Variants in TMPRSS4 observed in about 807,000 individuals in gnomAD.
TMPRSS4 encodes transmembrane protease serine 4.
TMPRSS4 carries 45 observed loss-of-function variants against 56.4 expected under a neutral mutation model. That is an observed-to-expected ratio of 0.80 (90% CI 0.63 to 1.02). The LOEUF (loss-of-function observed/expected upper bound fraction) is 1.02. TMPRSS4 is among the 50% of genes least tolerant of loss of function. TMPRSS4 has a pLI of 0.00. For missense variants in TMPRSS4, 546 were observed against 556.7 expected, an observed-to-expected ratio of 0.98 and a Z score of 0.19; for synonymous variants, 205 against 211.0, an observed-to-expected ratio of 0.97 and a Z score of 0.25.
chr11:118,114,779 A>T, intron 9 of TMPRSS4, 50 bp from the exon 10 acceptor site: 1 of 1,504,834 alleles, frequency 6.6e-7, no homozygotes, highest in Non-Finnish European at 9.1e-7. Context: ...ACAGAAAATT[A>T]ACACTTATGA....
In TMPRSS4 at chr11:118,077,916, G is replaced by A. The variant is rs7945787; in HGVS notation, c.3+611G>A. 9.2e-3 allele frequency among the ~76,000 whole-genome samples: 1,399 copies of A among 151,318 alleles called. 17 individuals are homozygous for A. The highest frequency in any genetic ancestry group is 0.031 in the African/African-American group (1,290 of 41,188). On this transcript the variant is annotated intron_variant, in intron 1 of 12. Coordinates refer to ENST00000437212, the MANE Select transcript of TMPRSS4 (RefSeq NM_019894.4). The stretch of plus-strand genomic sequence containing the variant: ...TAATCCCAGCTACTTGGGAGGCTGA[G>A]GCAGGAGAATCGCTTGAACTTGGGA...
Position 118,098,951 on chromosome 11 carries a change from A to C in TMPRSS4, c.44-34A>C, listed in dbSNP as rs1285809616. ...TCAGGGATCACCAAGTGCTGACTGC[A>C]TGCTCTTCCCCTCTGCCTCCCATTT... On this transcript the variant is annotated intron_variant, in intron 2 of 12. Transcript: ENST00000437212. 2.6e-6 allele frequency: 4 copies of C among 1,558,218 alleles called. No individual in the cohort carries two copies. In the Admixed American group the frequency reaches 6.7e-5, roughly 26 times the overall value.
Position 118,118,244 on chromosome 11 carries a change from T to TA in TMPRSS4, c.*335dup. On this transcript the variant is annotated 3_prime_UTR_variant, in exon 13 of 13. Coordinates refer to ENST00000437212, the MANE Select transcript of TMPRSS4 (RefSeq NM_019894.4). ...TACTGAATGGAAGCAGGCTGTCTTG[T>TA]AAAAGCCCAGATCACTGTGGGCTGG... 1 of 1,247,742 alleles carries TA rather than the reference T, an allele frequency of 8.0e-7. No individual in the cohort carries two copies. The highest frequency in any genetic ancestry group is 1.0e-6 in the Non-Finnish European group (1 of 992,236). The allele number at this position is 1,247,742 out of a possible 1,614,324, so 77.3% of individuals were successfully genotyped here.
rs1185679835 is a variant in TMPRSS4, at chr11:118,104,800, T to C, written c.420T>C (p.Cys140=). 6.2e-7 allele frequency: 1 copy of C among 1,610,988 alleles called. No individual in the cohort carries two copies. The highest frequency in any genetic ancestry group is 8.5e-7 in the Non-Finnish European group (1 of 1,178,612). ...CAGAAGCTCTCGCTGAGACAGCCTGTAGGCAGATGGGCTACAGCAGGTAAC... is the reference window on the plus strand; with the variant it reads ...CAGAAGCTCTCGCTGAGACAGCCTGCAGGCAGATGGGCTACAGCAGGTAAC... ...NFTEALAETA[C]RQMGYSSKPT... is the part of the protein sequence containing the mutation. The change falls in exon 5 of 13, where the codon TGT becomes TGC. Residue 140 remains cysteine, a synonymous_variant. Transcript: ENST00000437212.
At position 118,116,812 on chromosome 11, in the gene TMPRSS4, G is replaced by A. The variant is rs577043878; in HGVS notation, c.1153-493G>A. Among the ~76,000 whole-genome samples, 272 of 150,492 alleles carry A rather than the reference G, an allele frequency of 1.8e-3. 2 individuals are homozygous for A. The highest frequency in any genetic ancestry group is 5.9e-3 in the African/African-American group (243 of 40,992). ...CACTGCAGCCTCCGCCTCTGGGTTC[G>A]AATGATTCTCCACCTCAGCCTCCTG... is the stretch of plus-strand genomic sequence containing the variant. On this transcript the variant is annotated intron_variant, in intron 11 of 12. Coordinates refer to ENST00000437212, the MANE Select transcript of TMPRSS4 (RefSeq NM_019894.4).
downstream of TMPRSS4, among the ~76,000 whole-genome samples, chr11:118,124,166 C>T (rs910563787): frequency 6.6e-6 from 1 of 152,076 alleles, no homozygotes; most frequent in Non-Finnish European, 1.5e-5. Flanking sequence ...TGGGGCAGAT[C>T]ACCAGGTCAA....
At chr11:118,084,028 A>G (rs957627513) in intron 1 of TMPRSS4, among the ~76,000 whole-genome samples, 2 of 152,032 alleles carry the variant, frequency 1.3e-5, no homozygotes, top group Non-Finnish European at 1.5e-5. Context: ...ACAGAGCGAG[A>G]CTCCATCTCA....
At position 118,104,932 on chromosome 11, in the gene TMPRSS4, C is replaced by T. The variant is rs1233124638; in HGVS notation, c.440+112C>T. ...AAAAATTACGGGCATTGGAGCCAGG[C>T]AGAATGGCTTTTGAATCCCAGCATT... On this transcript the variant is annotated intron_variant, in intron 5 of 12. Transcript: ENST00000437212. 3.4e-6 allele frequency: 4 copies of T among 1,170,864 alleles called. No homozygotes were observed. In the South Asian group the frequency reaches 6.7e-5, roughly 20 times the overall value. 72.5% of individuals were successfully genotyped at this position (1,170,864 alleles called of 1,614,324 possible). A position where few individuals can be genotyped will look rare whatever the true frequency, so the allele number is the denominator to read the frequency against.
chr11:118,092,208 G>T (rs1032093278), intron 1 of TMPRSS4, among the ~76,000 whole-genome samples: 8 of 152,298 alleles, frequency 5.3e-5, no homozygotes, highest in African/African-American at 1.9e-4. Flanking sequence ...GGTTCACCTT[G>T]CCCGCTGCCT....
chr11:118,103,399 T>G, intron 4 of TMPRSS4, 146 bp downstream of exon 4: 1 of 1,162,416 alleles, frequency 8.6e-7, no homozygotes. Context: ...TTTGTTGTTG[T>G]TTTGAGGCAG....
At chr11:118,123,862 T>A (rs112382791), downstream of TMPRSS4, among the ~76,000 whole-genome samples, 3 of 152,086 alleles carry the variant, frequency 2.0e-5, no homozygotes, top group African/African-American at 7.2e-5. Flanking sequence ...CAATCAAATG[T>A]AAGGCATGGG....
chr11:118,124,252 G>A (rs754522208), downstream of TMPRSS4, among the ~76,000 whole-genome samples: 9 of 152,114 alleles, frequency 5.9e-5, no homozygotes, highest in Non-Finnish European at 1.3e-4. Flanking sequence ...GGGTGTGGTG[G>A]TGCGTGCCTG....
At position 118,115,166 on chromosome 11, in the gene TMPRSS4, G is replaced by A. The variant is rs764161015; in HGVS notation, c.1038G>A (p.Ala346=). 3.1e-5 allele frequency: 50 copies of A among 1,611,824 alleles called. No individual in the cohort carries two copies. The South Asian group carries it at 4.9e-4, about 16-fold the overall frequency. Reference sequence around the variant, plus strand: ...AGATGTCTGACATACTGCTGCAGGCGTCAGTCCAGGTCATTGACAGCACAC... The same window carrying A: ...AGATGTCTGACATACTGCTGCAGGCATCAGTCCAGGTCATTGACAGCACAC... ...GGKMSDILLQ[A]SVQVIDSTRC... The change falls in exon 11 of 13, where the codon GCG becomes GCA. Residue 346 remains alanine (A), a synonymous_variant. Coordinates refer to ENST00000437212, the MANE Select transcript of TMPRSS4 (RefSeq NM_019894.4).
chr11:118,100,828 C>T (rs1946695499), intron 3 of TMPRSS4, among the ~76,000 whole-genome samples: 1 of 152,238 alleles, frequency 6.6e-6, no homozygotes, highest in Admixed American at 6.5e-5. Flanking sequence ...TGGACACTCC[C>T]TGTCCCAGAA....
At position 118,117,753 on chromosome 11, in the gene TMPRSS4, G is replaced by A. The variant is rs1314138801; in HGVS notation, c.1303-149G>A. 2.6e-6 allele frequency: 4 copies of A among 1,533,990 alleles called. No homozygotes were observed. In the African/African-American group the frequency reaches 5.5e-5, roughly 21 times the overall value. On this transcript the variant is annotated intron_variant, in intron 12 of 12. Transcript: ENST00000437212. ...AGAGAAGATTCTGATAAGGAAGAGA[G>A]TGGAAAGGCTCATGAGACCTCCTGG...
intron 2 of TMPRSS4, chr11:118,095,499 T>C (rs1946235817): frequency 6.6e-6 from 1 of 152,630 alleles, no homozygotes; most frequent in Non-Finnish European, 1.5e-5. Flanking sequence ...CATGAGTTAA[T>C]AATGACCACA....
intron 1 of TMPRSS4, among the ~76,000 whole-genome samples, chr11:118,081,345 C>T (rs1945112232): frequency 6.6e-6 from 1 of 152,172 alleles, no homozygotes; most frequent in South Asian, 2.1e-4. Flanking sequence ...AAGAGTGGGG[C>T]AGAGCCAATG....
intron 9 of TMPRSS4, 128 bp downstream of exon 9, chr11:118,113,563 C>T: frequency 9.3e-7 from 1 of 1,070,440 alleles, no homozygotes; most frequent in East Asian, 2.6e-5. Flanking sequence ...CCATTTGTCT[C>T]TAATACGTCA....
chr11:118,111,576 A>C (rs1314393015), intron 7 of TMPRSS4, among the ~76,000 whole-genome samples, 165 bp from the exon 8 acceptor site: 1 of 152,136 alleles, frequency 6.6e-6, no homozygotes, highest in Non-Finnish European at 1.5e-5. Flanking sequence ...ATGGTCTGGG[A>C]CACTCAATAC....
Sources: gnomAD v4.1 joint callset for allele counts (sites outside exome capture counted in the v4.1 genomes callset) on GRCh38, gnomAD v4.1.1 for gene constraint, MANE v1.5 for transcripts, NCBI Gene and HGNC (gene_info 2026-07-23, HGNC 2026-07-21) for gene names.